The following JMJD4 variants were observed in gnomAD, a reference collection of about 807,000 sequenced individuals.
JMJD4 encodes the protein jumonji domain containing 4, also known as 2-oxoglutarate and iron-dependent oxygenase JMJD4.
JMJD4 carries 34 observed loss-of-function variants against 36.3 expected under a neutral mutation model. That is an observed-to-expected ratio of 0.94 (90% CI 0.71 to 1.25). The LOEUF (loss-of-function observed/expected upper bound fraction) is 1.25. Among genes scored for constraint, JMJD4 ranks in the 50% most tolerant of loss-of-function variants. JMJD4 has a pLI of 0.00. For missense variants in JMJD4, 584 were observed against 559.1 expected, an observed-to-expected ratio of 1.04 and a Z score of -0.45; for synonymous variants, 269 against 235.3, an observed-to-expected ratio of 1.14 and a Z score of -1.31.
rs1052522760 is a variant in JMJD4 at position 227,731,568 on chromosome 1, T to G, written c.*824A>C. The stretch of plus-strand genomic sequence containing the variant: ...CCTCTGCAAGAGGATCCCACGAGAG[T>G]CCATTCCCCACCACAGGCCTCCGCT... On this transcript the variant is annotated 3_prime_UTR_variant, in exon 6 of 6. Coordinates refer to ENST00000620518, the MANE Select transcript of JMJD4 (RefSeq NM_023007.3). 1.3e-5 allele frequency: 2 copies of G among 151,804 alleles called. No homozygotes were observed. The highest frequency in any genetic ancestry group is 4.8e-5 in the African/African-American group (2 of 41,276). The allele number at this position is 151,804 out of a possible 1,614,324, so 9.4% of individuals were successfully genotyped here.
In JMJD4 at chr1:227,735,141, CAA is replaced by C. The variant is rs1306335237; in HGVS notation, c.131_132del (p.Phe44CysfsTer120). On this transcript the variant is annotated frameshift_variant, in exon 1 of 6. Transcript: ENST00000620518. LOFTEE classifies it high-confidence loss of function. ...SEPGAFSYAD[F>X]VRGFLLPNLP... Reference sequence around the variant, plus strand: ...AGGTTGGGCAGCAAGAAGCCCCGCACAAAGTCGGCGTAGGAGAAGGCGCCCGG... The same window carrying C: ...AGGTTGGGCAGCAAGAAGCCCCGCACAGTCGGCGTAGGAGAAGGCGCCCGG... 1 of 1,581,732 alleles carries C rather than the reference CAA, an allele frequency of 6.3e-7. No homozygotes were observed. The highest frequency in any genetic ancestry group is 8.6e-7 in the Non-Finnish European group (1 of 1,164,830).
At chr1:227,734,421 G>A in intron 2 of JMJD4, 1 of 458,576 alleles carries the variant, frequency 2.2e-6, no homozygotes, top group Non-Finnish European at 3.8e-6. Context: ...GTACTAGGGA[G>A]GCTGAGGAGA....
chr1:227,734,261 A>C, intron 2 of JMJD4: 1 of 536,658 alleles, frequency 1.9e-6, no homozygotes, highest in Non-Finnish European at 3.2e-6. Flanking sequence ...CATGCCTATA[A>C]TCCCAGTGCT....
In JMJD4 at chr1:227,732,933, T is replaced by C. The variant is rs1169783433; in HGVS notation, c.917A>G (p.Glu306Gly). 1.9e-6 allele frequency: 3 copies of C among 1,613,022 alleles called. No individual in the cohort carries two copies. The highest frequency in any genetic ancestry group is 2.5e-6 in the Non-Finnish European group (3 of 1,180,014). The change falls in exon 5 of 6, where the codon GAG (glutamate) becomes GGG (glycine). Residue 306 changes from glutamate to glycine, a missense_variant. Glu to Gly is a moderately conservative substitution (Grantham distance 98, BLOSUM62 -2). Transcript: ENST00000620518. ...FLQQELCAVQ[E>G]EVSEWRDSMP... is the part of the protein sequence containing the mutation. Reference sequence around the variant, plus strand: ...GGAGTCCCTCCACTCGCTGACCTCCTCCTGCACGGCGCATAGCTCCTGCTG... The same window carrying C: ...GGAGTCCCTCCACTCGCTGACCTCCCCCTGCACGGCGCATAGCTCCTGCTG...
intron 3 of JMJD4, 22 bp from the exon 4 acceptor site, chr1:227,733,703 G>T: frequency 6.3e-7 from 1 of 1,599,056 alleles, no homozygotes; most frequent in Non-Finnish European, 8.5e-7. Context: ...AGAGCGCCTG[G>T]TTCATGCCTG....
At position 227,735,052 on chromosome 1, in the gene JMJD4, G is replaced by A. The variant is rs757114104; in HGVS notation, c.222C>T (p.Pro74=). The A allele has an allele frequency of 7.7e-5, 120 of 1,555,906 alleles. No individual in the cohort carries two copies. The highest frequency in any genetic ancestry group is 9.8e-5 in the Non-Finnish European group (113 of 1,151,572). Residue 74 remains proline (P), a synonymous_variant, in exon 1 of 6, where the codon CCC becomes CCT. Coordinates refer to ENST00000620518, the MANE Select transcript of JMJD4 (RefSeq NM_023007.3). ...GWGSRRRWVT[P]AGRPDFDHLL... ...GGTGGTCGAAGTCGGGCCTCCCCGC[G>A]GGCGTCACCCAGCGCCGCCGGCTGC...
At position 227,733,343 on chromosome 1, in the gene JMJD4, A is replaced by G; in HGVS notation, c.822+71T>C. On this transcript the variant is annotated intron_variant, in intron 4 of 5. Coordinates refer to ENST00000620518, the MANE Select transcript of JMJD4 (RefSeq NM_023007.3). ...ATTCCAGCCCAGCTCTGGCTGGGAGAGTGGGGAGGTGGTGCTGCCGTCTTC... is the reference window on the plus strand; with the variant it reads ...ATTCCAGCCCAGCTCTGGCTGGGAGGGTGGGGAGGTGGTGCTGCCGTCTTC... 7 of 1,470,652 alleles carry G rather than the reference A, an allele frequency of 4.8e-6. No individual in the cohort carries two copies. In the South Asian group the frequency reaches 7.8e-5, roughly 16 times the overall value. The allele number at this position is 1,470,652 out of a possible 1,614,324, so 91.1% of individuals were successfully genotyped here.
rs2102856223 is a variant in JMJD4, at chr1:227,731,524, G to A, written c.*868C>T. 6.6e-6 allele frequency: 1 copy of A among 152,366 alleles called. No homozygotes were observed. The highest frequency in any genetic ancestry group is 1.9e-4 in the East Asian group (1 of 5,156). 9.4% of individuals were successfully genotyped at this position (152,366 alleles called of 1,614,324 possible). A position where few individuals can be genotyped will look rare whatever the true frequency, so the allele number is the denominator to read the frequency against. On this transcript the variant is annotated 3_prime_UTR_variant, in exon 6 of 6. Transcript: ENST00000620518. ...CTCCACAAACTGTGGATCCACTAGA[G>A]GGTTCAGGCCTGGGGCATCCTCTGC...
At chr1:227,733,152 TC>T in intron 4 of JMJD4, 125 bp from the exon 5 acceptor site, 1 of 1,104,440 alleles carries the variant, frequency 9.1e-7, no homozygotes, top group South Asian at 1.5e-5. Flanking sequence ...CCCTCCTGTC[TC>T]CCAGCAGGGC....
Position 227,733,519 on chromosome 1 carries a change from G to C in JMJD4, c.717C>G (p.His239Gln), listed in dbSNP as rs538931497. 1.2e-6 allele frequency: 2 copies of C among 1,602,388 alleles called. No individual in the cohort carries two copies. Among genetic ancestry groups the C allele is most frequent in the African/African-American group, 1.3e-5 (1 of 74,574 alleles). Residue 239 changes from histidine (H) to glutamine (Q), a missense_variant, in exon 4 of 6, where the codon CAC (histidine) becomes CAG (glutamine). Coordinates refer to ENST00000620518, the MANE Select transcript of JMJD4 (RefSeq NM_023007.3). Reference protein sequence around the residue: ...DVTSPALCDTHLHPRNQLAGP... With the variant: ...DVTSPALCDTQLHPRNQLAGP... ...CAGCAAGCTGGTTCCGTGGGTGCAG[G>C]TGTGTGTCGCAGAGTGCTGGGGAGG... is the stretch of plus-strand genomic sequence containing the variant.
intron 5 of JMJD4, 83 bp from the exon 6 acceptor site, chr1:227,732,759 A>T (rs1660750725): frequency 1.3e-6 from 2 of 1,589,374 alleles, no homozygotes; most frequent in Admixed American, 1.7e-5. Context: ...CCAGTCCCCA[A>T]GGACGAAGAA....
rs1660954783 is a variant in JMJD4 at position 227,734,760 on chromosome 1, T to C, written c.319A>G (p.Lys107Glu). 2.5e-6 allele frequency: 4 copies of C among 1,614,166 alleles called. No individual in the cohort carries two copies. Among genetic ancestry groups the C allele is most frequent in the Non-Finnish European group, 3.4e-6 (4 of 1,180,018 alleles). Residue 107 changes from lysine (K) to glutamate (E), a missense_variant, in exon 2 of 6, where the codon AAA becomes GAA. Transcript: ENST00000620518. ...TAGTCTCTGAGAGTCATGTGCTCTTTGGGGTTCGAGTTGTATTCCTGGACC... is the reference window on the plus strand; with the variant it reads ...TAGTCTCTGAGAGTCATGTGCTCTTCGGGGTTCGAGTTGTATTCCTGGACC... ...CGVQEYNSNPKEHMTLRDYIT... is the reference protein window; with the variant it reads ...CGVQEYNSNPEEHMTLRDYIT...
Position 227,735,290 on chromosome 1 carries a change from C to G in JMJD4, c.-17G>C. ...GCGGTCCATCCAGCTCAGCACGGGT[C>G]GAAGGACCCTCCTCCTCACTTCCGC... On this transcript the variant is annotated 5_prime_UTR_variant, in exon 1 of 6. Coordinates refer to ENST00000620518, the MANE Select transcript of JMJD4 (RefSeq NM_023007.3). 1 of 1,605,772 alleles carries G rather than the reference C, an allele frequency of 6.2e-7. No individual in the cohort carries two copies. The highest frequency in any genetic ancestry group is 8.5e-7 in the Non-Finnish European group (1 of 1,177,672).
intron 3 of JMJD4, 52 bp downstream of exon 3, chr1:227,733,855 C>T (rs1660852410): frequency 1.2e-6 from 2 of 1,607,944 alleles, no homozygotes; most frequent in Non-Finnish European, 1.7e-6. Context: ...GCCTCCCAGT[C>T]CGTTCTGTCA....
At chr1:227,734,566 C>A (rs1660932226) in intron 2 of JMJD4, 85 bp downstream of exon 2, 1 of 1,372,746 alleles carries the variant, frequency 7.3e-7, no homozygotes. Flanking sequence ...CGTTGTGCAC[C>A]CAGGGGCCAC....
chr1:227,732,130 CA>C lies in JMJD4; in HGVS notation c.*261del. Reference sequence around the variant, plus strand: ...TCCTGGCCTAAGGAGGCAGGGCCCCCAAAAGAGCCAGGTCCTGGCACCATCT... The same window carrying C: ...TCCTGGCCTAAGGAGGCAGGGCCCCCAAAGAGCCAGGTCCTGGCACCATCT... On this transcript the variant is annotated 3_prime_UTR_variant, in exon 6 of 6. Coordinates refer to ENST00000620518, the MANE Select transcript of JMJD4 (RefSeq NM_023007.3). 2 of 564,810 alleles carry C rather than the reference CA, an allele frequency of 3.5e-6. No individual in the cohort carries two copies. Among genetic ancestry groups the C allele is most frequent in the Non-Finnish European group, 6.3e-6 (2 of 315,884 alleles). The allele number at this position is 564,810 out of a possible 1,614,324, so 35.0% of individuals were successfully genotyped here.
At chr1:227,733,144 C>G in intron 4 of JMJD4, 117 bp from the exon 5 acceptor site, 1 of 1,165,474 alleles carries the variant, frequency 8.6e-7, no homozygotes, top group East Asian at 2.5e-5. Context: ...CAAGAGGGCC[C>G]TCCTGTCTCC....
At position 227,732,096 on chromosome 1, in the gene JMJD4, G is replaced by T; in HGVS notation, c.*296C>A. ...GCACACCAGACACAGACTCCTGTCA[G>T]CTCAGGCGTCCTGGCCTAAGGAGGC... On this transcript the variant is annotated 3_prime_UTR_variant, in exon 6 of 6. Coordinates refer to ENST00000620518, the MANE Select transcript of JMJD4 (RefSeq NM_023007.3). 1 of 505,768 alleles carries T rather than the reference G, an allele frequency of 2.0e-6. No homozygotes were observed. Among genetic ancestry groups the T allele is most frequent in the South Asian group, 2.3e-5 (1 of 43,904 alleles). The allele number at this position is 505,768 out of a possible 1,614,324, so 31.3% of individuals were successfully genotyped here. A position where few individuals can be genotyped will look rare whatever the true frequency, so the allele number is the denominator to read the frequency against.
At chr1:227,734,968 G>A in intron 1 of JMJD4, 44 bp downstream of exon 1, 1 of 1,500,870 alleles carries the variant, frequency 6.7e-7, no homozygotes, top group Non-Finnish European at 8.9e-7. Flanking sequence ...CCTGGGTCCC[G>A]CCGGCCTTTC....
Sources: allele counts gnomAD v4.1 joint callset, GRCh38; gene constraint gnomAD v4.1.1; transcripts MANE v1.5; gene names NCBI Gene and HGNC (gene_info 2026-07-23, HGNC 2026-07-21).